Variants in RMND1 observed in about 807,000 individuals in gnomAD.
RMND1 encodes the protein required for meiotic nuclear division protein 1 homolog.
Under a neutral mutation model 54.0 loss-of-function variants are expected in RMND1, and 41 were observed. The ratio of observed to expected loss-of-function variants is 0.76; its 90% CI spans 0.59 to 0.98. RMND1 has a LOEUF of 0.98. Among genes scored for constraint, RMND1 ranks in the 50% least tolerant of loss-of-function variants. The probability of loss-of-function intolerance (pLI) is 0.00; values close to 1 mark genes in which losing one functional copy is unlikely to be tolerated. For synonymous variants in RMND1, 183 were observed against 181.7 expected (o/e 1.01, Z -0.06); for missense variants, 457 against 532.0 (o/e 0.86, Z 1.39).
chr6:151,424,355 C>T (rs948729243), intron 6 of RMND1, among the ~76,000 whole-genome samples: 9 of 151,140 alleles, frequency 6.0e-5, no homozygotes, highest in Non-Finnish European at 8.8e-5. Context: ...CCCAGCTACT[C>T]GGGAGGCTGA....
chr6:151,443,094 G>C (rs1204296514), intron 2 of RMND1, among the ~76,000 whole-genome samples: 5 of 151,970 alleles, frequency 3.3e-5, no homozygotes, highest in African/African-American at 9.7e-5. Context: ...TGGTATAAAG[G>C]GTTTACCATT....
rs752126269 is a variant in RMND1, at chr6:151,445,406, C to T, written c.406G>A (p.Val136Ile). Residue 136 changes from valine (V) to isoleucine (I), a missense_variant, in exon 2 of 12, where the codon GTT (valine) becomes ATT (isoleucine). Val to Ile is a conservative substitution (Grantham distance 29). Transcript: ENST00000444024. Reference sequence around the variant, plus strand: ...ACCTGTGGGAAGTCTTGTTTTGGAACAAATGTTTCCGTTGATACAGATGAG... The same window carrying T: ...ACCTGTGGGAAGTCTTGTTTTGGAATAAATGTTTCCGTTGATACAGATGAG... ...HFSSVSTETF[V>I]PKQDFPQVKR... 5.6e-6 allele frequency: 9 copies of T among 1,613,908 alleles called. No homozygotes were observed. The East Asian group carries it at 1.6e-4, about 28-fold the overall frequency.
chr6:151,418,041 C>T (rs1013008620), intron 9 of RMND1, among the ~76,000 whole-genome samples: 2 of 151,960 alleles, frequency 1.3e-5, no homozygotes, highest in African/African-American at 2.4e-5. Flanking sequence ...CCTGACCTCA[C>T]GTGATCTGCC....
At chr6:151,423,654 A>G (rs754396123) in intron 6 of RMND1, 23 bp from the exon 7 acceptor site, 2 of 1,457,456 alleles carry the variant, frequency 1.4e-6, no homozygotes, top group Admixed American at 3.3e-5. Context: ...AAAAGATAAT[A>G]CCTTCTAAAT....
At chr6:151,440,276 G>C (rs1426479388) in intron 2 of RMND1, among the ~76,000 whole-genome samples, 12 of 152,126 alleles carry the variant, frequency 7.9e-5, no homozygotes, top group Non-Finnish European at 1.8e-4. Flanking sequence ...TTTAAATCAA[G>C]GTAAAAGGTC....
At chr6:151,409,236 A>G (rs1779727012) in intron 10 of RMND1, among the ~76,000 whole-genome samples, 1 of 152,208 alleles carries the variant, frequency 6.6e-6, no homozygotes, top group Non-Finnish European at 1.5e-5. Flanking sequence ...AAGACGGGTC[A>G]GTATGGTATT....
chr6:151,437,986 G>GTACTGCTC (rs1288308177), intron 2 of RMND1, among the ~76,000 whole-genome samples: 3 of 152,206 alleles, frequency 2.0e-5, no homozygotes, highest in Non-Finnish European at 1.5e-5. Context: ...GGGATAAATG[G>GTACTGCTC]ATGTAGTACC....
At chr6:151,439,963 TTATTA>T (rs1395249946) in intron 2 of RMND1, among the ~76,000 whole-genome samples, 2 of 151,800 alleles carry the variant, frequency 1.3e-5, no homozygotes, top group Non-Finnish European at 2.9e-5. Flanking sequence ...CCCGGCCTAT[TTATTA>T]TTTTTTGAGA....
At chr6:151,410,348 C>T (rs1779793202) in intron 10 of RMND1, among the ~76,000 whole-genome samples, 4 of 152,044 alleles carry the variant, frequency 2.6e-5, no homozygotes, top group Admixed American at 2.6e-4. Context: ...AGCCACCGCA[C>T]CCGGCCTGTT....
intron 2 of RMND1, among the ~76,000 whole-genome samples, chr6:151,441,515 A>G (rs909808878): frequency 9.9e-5 from 15 of 152,204 alleles, no homozygotes; most frequent in African/African-American, 2.9e-4. Context: ...TGGTTACCAG[A>G]AAGACCAAAC....
intron 1 of RMND1, among the ~76,000 whole-genome samples, chr6:151,447,640 C>T (rs1780993899): frequency 6.6e-6 from 1 of 152,094 alleles, no homozygotes; most frequent in African/African-American, 2.4e-5. Flanking sequence ...TTCCAAAATC[C>T]CTTCAAAAGC....
chr6:151,438,101 G>A (rs927042022), intron 2 of RMND1, among the ~76,000 whole-genome samples: 8 of 152,180 alleles, frequency 5.3e-5, no homozygotes, highest in African/African-American at 1.9e-4. Context: ...TGTATCAGGA[G>A]TTACCAGAGT....
chr6:151,436,637 A>G (rs750812747), intron 2 of RMND1, 83 bp from the exon 3 acceptor site: 22 of 1,352,644 alleles, frequency 1.6e-5, no homozygotes, highest in Non-Finnish European at 2.2e-5. Flanking sequence ...ACTGGACTCC[A>G]TTCTGCAAAG....
Position 151,430,451 on chromosome 6 carries a change from G to A in RMND1, c.690-274C>T, listed in dbSNP as rs573294425. Among the ~76,000 whole-genome samples, 8 of 152,116 alleles carry A rather than the reference G, an allele frequency of 5.3e-5. No homozygotes were observed. The South Asian group carries it at 6.2e-4, about 12-fold the overall frequency. ...TTATTGTAATACTATATAACTTCAC[G>A]TATGTAGACTCTTTCATACCTGGTT... is the stretch of plus-strand genomic sequence containing the variant. On this transcript the variant is annotated intron_variant, in intron 4 of 11. Coordinates refer to ENST00000444024, the MANE Select transcript of RMND1 (RefSeq NM_017909.4).
At chr6:151,451,010 G>C (rs375915608) in intron 1 of RMND1, among the ~76,000 whole-genome samples, 60 of 152,160 alleles carry the variant, frequency 3.9e-4, no homozygotes, top group Admixed American at 8.5e-4. Flanking sequence ...GCAGCGTGCT[G>C]GTTAAGAGTC....
intron 10 of RMND1, among the ~76,000 whole-genome samples, chr6:151,410,124 C>T (rs189389430): frequency 2.6e-5 from 4 of 151,486 alleles, no homozygotes; most frequent in Non-Finnish European, 2.9e-5. Context: ...GCACAATCTC[C>T]GCTCACTGCA....
At chr6:151,423,723 C>A in intron 6 of RMND1, 92 bp from the exon 7 acceptor site, 1 of 844,102 alleles carries the variant, frequency 1.2e-6, no homozygotes, top group South Asian at 1.4e-5. Flanking sequence ...TTCTGGAGGT[C>A]ATTTTGACAA....
chr6:151,429,728 G>A (rs1170317275), intron 5 of RMND1, among the ~76,000 whole-genome samples: 1 of 152,104 alleles, frequency 6.6e-6, no homozygotes, highest in Non-Finnish European at 1.5e-5. Context: ...CTCTAAAATG[G>A]TTGTATTAAA....
chr6:151,407,100 G>A (rs1237842954), intron 10 of RMND1, among the ~76,000 whole-genome samples: 2 of 151,976 alleles, frequency 1.3e-5, no homozygotes, highest in East Asian at 3.9e-4. Context: ...GCTGCAATGA[G>A]CCAAGATCAT....
Sources: allele counts gnomAD v4.1 joint callset (sites outside exome capture counted in the v4.1 genomes callset), GRCh38; gene constraint gnomAD v4.1.1; transcripts MANE v1.5; gene names NCBI Gene and HGNC (gene_info 2026-07-23, HGNC 2026-07-21).